The following PRKCB variants were observed in gnomAD, a reference collection of about 807,000 sequenced individuals.
PRKCB encodes the protein protein kinase C beta.
PRKCB carries 13 observed loss-of-function variants against 81.5 expected under a neutral mutation model. That is an observed-to-expected ratio of 0.16 (90% CI 0.10 to 0.25). PRKCB has a LOEUF of 0.25. PRKCB is among the 10% of genes least tolerant of loss of function. PRKCB has a pLI of 1.00. For synonymous variants in PRKCB, 335 were observed against 321.4 expected (o/e 1.04, Z -0.45); for missense variants, 509 against 875.7 (o/e 0.58, Z 5.29).
At chr16:24,074,175 A>G (rs1383579504) in intron 5 of PRKCB, among the ~76,000 whole-genome samples, 2 of 152,078 alleles carry the variant, frequency 1.3e-5, no homozygotes, top group African/African-American at 4.8e-5. Flanking sequence ...TTTAAGACAC[A>G]CCTCGAAGCT....
chr16:23,907,087 AG>A (rs1322321382), intron 2 of PRKCB, among the ~76,000 whole-genome samples: 1 of 152,170 alleles, frequency 6.6e-6, no homozygotes, highest in Non-Finnish European at 1.5e-5. Context: ...GGGGTGGAAT[AG>A]GTCTTTGTTG....
At chr16:24,009,316 C>T in intron 3 of PRKCB, among the ~76,000 whole-genome samples, 1 of 152,044 alleles carries the variant, frequency 6.6e-6, no homozygotes, top group East Asian at 1.9e-4. Flanking sequence ...GGAAGACATA[C>T]AAATGACCAA....
intron 13 of PRKCB, among the ~76,000 whole-genome samples, chr16:24,182,848 A>T (rs1324820627): frequency 2.0e-5 from 2 of 99,042 alleles, no homozygotes; most frequent in Admixed American, 9.5e-5. Flanking sequence ...TAATGGGATG[A>T]TGCTTGGGCA....
chr16:24,151,841 A>T (rs1050168295), intron 9 of PRKCB: 3 of 455,832 alleles, frequency 6.6e-6, no homozygotes, highest in Non-Finnish European at 1.3e-5. Flanking sequence ...CAGTGTGTTT[A>T]TCTACGAAAT....
chr16:23,841,304 T>G (rs1225003595), intron 2 of PRKCB, among the ~76,000 whole-genome samples: 1 of 152,052 alleles, frequency 6.6e-6, no homozygotes, highest in Non-Finnish European at 1.5e-5. Context: ...GGTCTTGAAC[T>G]CCTGACCTCA....
chr16:23,982,057 CTTCCCCTTCTCT>C (rs1237750392), intron 2 of PRKCB, among the ~76,000 whole-genome samples: 3 of 114,100 alleles, frequency 2.6e-5, no homozygotes, highest in African/African-American at 3.7e-5. Flanking sequence ...TTCCCTTTCC[CTTCCCCTTCTCT>C]TTCCCTTCCC....
At chr16:23,982,106 C>CT (rs1964736103) in intron 2 of PRKCB, among the ~76,000 whole-genome samples, 4 of 59,550 alleles carry the variant, frequency 6.7e-5, no homozygotes, top group African/African-American at 1.6e-4. Context: ...TTTTCCCTTC[C>CT]CTTCCCTTTC....
At chr16:23,918,133 G>T (rs1353961868) in intron 2 of PRKCB, among the ~76,000 whole-genome samples, 1 of 152,098 alleles carries the variant, frequency 6.6e-6, no homozygotes, top group African/African-American at 2.4e-5. Context: ...GGGGCAGTTT[G>T]ACTTGGGGAT....
At chr16:23,966,832 C>G (rs568137469) in intron 2 of PRKCB, among the ~76,000 whole-genome samples, 2 of 152,278 alleles carry the variant, frequency 1.3e-5, no homozygotes, top group East Asian at 3.9e-4. Flanking sequence ...ATGAACCGGG[C>G]AAAATTCCCT....
intron 2 of PRKCB, among the ~76,000 whole-genome samples, chr16:23,923,473 C>A (rs1175132834): frequency 6.6e-6 from 1 of 152,110 alleles, no homozygotes; most frequent in Non-Finnish European, 1.5e-5. Context: ...GCTGATTGAC[C>A]ACCCTTATCT....
At chr16:24,030,342 G>A (rs1032874466) in intron 3 of PRKCB, among the ~76,000 whole-genome samples, 9 of 152,130 alleles carry the variant, frequency 5.9e-5, no homozygotes, top group Non-Finnish European at 4.4e-5. Context: ...GGGAGCGGGG[G>A]TGCGCTCTGA....
chr16:24,101,523 A>G (rs2141908117), intron 7 of PRKCB, among the ~76,000 whole-genome samples: 1 of 152,328 alleles, frequency 6.6e-6, no homozygotes, highest in South Asian at 2.1e-4. Flanking sequence ...TAGGCAATGG[A>G]GAAAGACCCT....
chr16:23,838,509 G>A (rs1261661427), intron 2 of PRKCB, among the ~76,000 whole-genome samples: 1 of 152,186 alleles, frequency 6.6e-6, no homozygotes, highest in African/African-American at 2.4e-5. Context: ...ATTGAGTTTG[G>A]TAAGAAACGG....
chr16:24,139,835 G>T (rs752600946), intron 9 of PRKCB, among the ~76,000 whole-genome samples: 1 of 152,146 alleles, frequency 6.6e-6, no homozygotes, highest in Non-Finnish European at 1.5e-5. Context: ...TGATCTATAC[G>T]CCGGATATCA....
chr16:24,092,164 T>C (rs1966384136), intron 5 of PRKCB, among the ~76,000 whole-genome samples: 1 of 152,192 alleles, frequency 6.6e-6, no homozygotes, highest in East Asian at 1.9e-4. Flanking sequence ...CATTAAGCAG[T>C]CACTCCCCAT....
At chr16:23,911,918 G>A (rs1253576328) in intron 2 of PRKCB, among the ~76,000 whole-genome samples, 2 of 136,334 alleles carry the variant, frequency 1.5e-5, no homozygotes, top group Admixed American at 8.5e-5. Flanking sequence ...TGCAACCTCC[G>A]CCTTCTGGGT....
intron 3 of PRKCB, among the ~76,000 whole-genome samples, chr16:23,993,256 A>C (rs1964912526): frequency 6.6e-6 from 1 of 152,342 alleles, no homozygotes; most frequent in East Asian, 1.9e-4. Flanking sequence ...TGGAAGTAAC[A>C]TGAAGTTGAA....
intron 3 of PRKCB, among the ~76,000 whole-genome samples, chr16:24,021,309 T>TTTCTTTCTTTCCTC (rs1567347288): frequency 4.2e-5 from 1 of 24,050 alleles, no homozygotes; most frequent in Non-Finnish European, 7.2e-5. Flanking sequence ...CTTCCTTCCT[T>TTTCTTTCTTTCCTC]CCTTCCTTCC....
intron 16 of PRKCB, among the ~76,000 whole-genome samples, chr16:24,211,383 G>C (rs1456843374): frequency 2.0e-5 from 3 of 152,136 alleles, no homozygotes; most frequent in Non-Finnish European, 4.4e-5. Context: ...CACATACTCA[G>C]TACCTGTTAC....
Sources: gnomAD v4.1 joint callset for allele counts (sites outside exome capture counted in the v4.1 genomes callset) on GRCh38, gnomAD v4.1.1 for gene constraint, MANE v1.5 for transcripts, NCBI Gene and HGNC (gene_info 2026-07-23, HGNC 2026-07-21) for gene names.